The following ATP8B4 variants were observed in gnomAD, a reference collection of about 807,000 sequenced individuals.
ATP8B4 encodes the protein probable phospholipid-transporting ATPase IM.
ATP8B4 carries 133 observed loss-of-function variants against 145.6 expected under a neutral mutation model. That is an observed-to-expected ratio of 0.91 (90% CI 0.79 to 1.05). ATP8B4 has a LOEUF of 1.05. Ranked by LOEUF, ATP8B4 falls within the 50% of genes least tolerant of loss-of-function variation. The probability of loss-of-function intolerance (pLI) is 0.00; values close to 1 mark genes in which losing one functional copy is unlikely to be tolerated. For missense variants in ATP8B4, 1,458 were observed against 1,425.2 expected (o/e 1.02, Z -0.37); for synonymous variants, 507 against 492.9 (o/e 1.03, Z -0.38).
chr15:50,156,519 A>T (rs1303615142), intron 1 of ATP8B4, among the ~76,000 whole-genome samples: 3 of 152,062 alleles, frequency 2.0e-5, no homozygotes, highest in African/African-American at 7.2e-5. Context: ...TTTTGGCTGG[A>T]ATATCATAAG....
chr15:50,172,547 T>C (rs904389202), intron 1 of ATP8B4, among the ~76,000 whole-genome samples: 6 of 152,138 alleles, frequency 3.9e-5, no homozygotes, highest in Non-Finnish European at 8.8e-5. Context: ...GAGATTGCAG[T>C]CTCTGCCCGG....
chr15:50,019,447 T>A lies in ATP8B4; in HGVS notation c.363-8530A>T, dbSNP rs116650939. 3.6e-3 allele frequency among the ~76,000 whole-genome samples: 542 copies of A among 152,348 alleles called. 4 individuals are homozygous for A. Among genetic ancestry groups the A allele is most frequent in the African/African-American group, 0.013 (525 of 41,576 alleles). On this transcript the variant is annotated intron_variant, in intron 6 of 27. Coordinates refer to ENST00000284509, the MANE Select transcript of ATP8B4 (RefSeq NM_024837.4). ...CACCTAACATTTAAACACCTGTCTTTCATGACATTTTTTACTTTCAGATGA... is the reference window on the plus strand; with the variant it reads ...CACCTAACATTTAAACACCTGTCTTACATGACATTTTTTACTTTCAGATGA...
intron 1 of ATP8B4, among the ~76,000 whole-genome samples, chr15:50,153,645 C>CCTT (rs36090997): frequency 0.67 from 101,934 of 151,806 alleles, 34,531 homozygotes; most frequent in East Asian, 0.94. Flanking sequence ...CCTAGACACA[C>CCTT]CTTAAGGGGA....
chr15:49,875,950 C>G (rs1254727018), intron 25 of ATP8B4, among the ~76,000 whole-genome samples: 3 of 152,118 alleles, frequency 2.0e-5, no homozygotes, highest in Non-Finnish European at 4.4e-5. Context: ...GGGAAAGTTT[C>G]TCCTTCTGTT....
Position 50,105,255 on chromosome 15 carries a change from G to GA in ATP8B4, c.28+1683dup, listed in dbSNP as rs35342585. Among the ~76,000 whole-genome samples the GA allele has an allele frequency of 4.4e-4, 51 of 116,708 alleles. 2 individuals are homozygous for GA. Among genetic ancestry groups the GA allele is most frequent in the African/African-American group, 1.5e-3 (46 of 29,778 alleles). The allele number at this position is 116,708 out of a possible 152,430, so 76.6% of individuals were successfully genotyped here. On this transcript the variant is annotated intron_variant, in intron 2 of 27. Transcript: ENST00000284509. ...ATTCCCCAAAAACTTACTGAAATTT[G>GA]AAAAAAAAAAAAAAAAAAGACCCCA...
rs112055178 is a variant in ATP8B4 at position 50,135,709 on chromosome 15, C to T, written c.-42-28701G>A. On this transcript the variant is annotated intron_variant, in intron 1 of 3. Transcript: ENST00000558829. ...GACATATTTTCACCAGTCATAATAACTGAAACCTGACATACATAAAACTGT... is the reference window on the plus strand; with the variant it reads ...GACATATTTTCACCAGTCATAATAATTGAAACCTGACATACATAAAACTGT... Among the ~76,000 whole-genome samples the T allele has an allele frequency of 7.9e-3, 1,206 of 152,284 alleles. 16 individuals carry two copies. Among genetic ancestry groups the T allele is most frequent in the African/African-American group, 0.028 (1,144 of 41,538 alleles).
chr15:49,963,417 T>C (rs1225009296), intron 13 of ATP8B4, among the ~76,000 whole-genome samples: 1 of 152,174 alleles, frequency 6.6e-6, no homozygotes, highest in African/African-American at 2.4e-5. Context: ...ACTGGGTATA[T>C]ATCAAAGGAA....
At chr15:50,002,266 A>G (rs781600379) in intron 7 of ATP8B4, 43 bp from the exon 8 acceptor site, 21 of 1,515,942 alleles carry the variant, frequency 1.4e-5, no homozygotes, top group Middle Eastern at 1.7e-4. Flanking sequence ...GAGAAGTTAG[A>G]TTGGTTGAAA....
intron 25 of ATP8B4, among the ~76,000 whole-genome samples, chr15:49,871,957 T>C (rs2033729779): frequency 6.6e-6 from 1 of 152,112 alleles, no homozygotes; most frequent in African/African-American, 2.4e-5. Flanking sequence ...AGTATATGGA[T>C]AAGGTATAGG....
intron 1 of ATP8B4, among the ~76,000 whole-genome samples, chr15:50,175,468 A>T (rs1489121830): frequency 2.0e-5 from 3 of 152,168 alleles, no homozygotes; most frequent in Admixed American, 6.5e-5. Context: ...TCAGTAAGAA[A>T]CGAAGAAACT....
chr15:50,034,550 G>T (rs1386361164), intron 6 of ATP8B4, among the ~76,000 whole-genome samples: 2 of 152,036 alleles, frequency 1.3e-5, no homozygotes. Flanking sequence ...CTTAAAATTA[G>T]ACATAAAATA....
intron 3 of ATP8B4, among the ~76,000 whole-genome samples, chr15:50,056,497 T>C (rs2052605823): frequency 6.6e-6 from 1 of 152,086 alleles, no homozygotes; most frequent in Non-Finnish European, 1.5e-5. Flanking sequence ...CTTGCTTGAT[T>C]TTCCAGGTTA....
intron 2 of ATP8B4, among the ~76,000 whole-genome samples, chr15:50,085,978 C>G (rs377113940): frequency 1.2e-4 from 2 of 16,186 alleles, no homozygotes; most frequent in East Asian, 2.8e-3. Flanking sequence ...TATGATATAT[C>G]AAATATATCA....
At chr15:49,886,268 T>A (rs1285903440) in intron 23 of ATP8B4, among the ~76,000 whole-genome samples, 1 of 152,110 alleles carries the variant, frequency 6.6e-6, no homozygotes, top group African/African-American at 2.4e-5. Context: ...ACTCAATCTC[T>A]CTGTGTCTTG....
At chr15:49,936,878 C>A (rs1250985827) in intron 14 of ATP8B4, among the ~76,000 whole-genome samples, 3 of 151,712 alleles carry the variant, frequency 2.0e-5, no homozygotes, top group Non-Finnish European at 4.4e-5. Flanking sequence ...AGTCTCTTGA[C>A]TTAATCTTCC....
intron 6 of ATP8B4, among the ~76,000 whole-genome samples, chr15:50,036,515 G>A (rs780745256): frequency 1.2e-4 from 19 of 152,276 alleles, no homozygotes; most frequent in African/African-American, 4.1e-4. Flanking sequence ...CTCCATAACC[G>A]ATTTCCCCAA....
intron 10 of ATP8B4, 92 bp from the exon 11 acceptor site, chr15:49,981,386 T>C: frequency 9.2e-6 from 9 of 981,454 alleles, no homozygotes; most frequent in Admixed American, 2.7e-5. Context: ...AAGAAAAAAA[T>C]ATATATTTTT....
chr15:49,916,897 C>T lies in ATP8B4; in HGVS notation c.2141+37G>A, dbSNP rs769397718. Reference sequence around the variant, plus strand: ...TGATCTTTTTTCCCTCCCTCCCTCTCGTCCTTCCATCCTTTCCTCCTTCCT... The same window carrying T: ...TGATCTTTTTTCCCTCCCTCCCTCTTGTCCTTCCATCCTTTCCTCCTTCCT... On this transcript the variant is annotated intron_variant, in intron 20 of 27. Coordinates refer to ENST00000284509, the MANE Select transcript of ATP8B4 (RefSeq NM_024837.4). The T allele has an allele frequency of 7.0e-6, 11 of 1,575,088 alleles. No individual in the cohort carries two copies. In the South Asian group the frequency reaches 7.8e-5, roughly 11 times the overall value.
intron 24 of ATP8B4, among the ~76,000 whole-genome samples, chr15:49,876,864 C>A (rs114697599): frequency 7.9e-5 from 12 of 152,216 alleles, no homozygotes; most frequent in Admixed American, 1.3e-4. Flanking sequence ...CAGAAGCATT[C>A]GTGCTCCCAG....
Sources: gnomAD v4.1 joint callset for allele counts (sites outside exome capture counted in the v4.1 genomes callset) on GRCh38, gnomAD v4.1.1 for gene constraint, MANE v1.5 for transcripts, NCBI Gene and HGNC (gene_info 2026-07-23, HGNC 2026-07-21) for gene names.